Variants in LDHAL6A observed in about 807,000 individuals in gnomAD.
The protein encoded by LDHAL6A is L-lactate dehydrogenase A-like 6A.
LDHAL6A carries 19 observed loss-of-function variants against 28.2 expected under a neutral mutation model. The ratio of observed to expected loss-of-function variants is 0.67; its 90% CI spans 0.47 to 0.99. The LOEUF is 0.99. LDHAL6A is among the 50% of genes least tolerant of loss of function. The probability of loss-of-function intolerance (pLI) is 0.00; values close to 1 mark genes in which losing one functional copy is unlikely to be tolerated. For missense variants in LDHAL6A, 372 were observed against 398.6 expected (o/e 0.93, Z 0.57); for synonymous variants, 144 against 134.4 (o/e 1.07, Z -0.49).
chr11:18,478,658 T>C, intron 6 of LDHAL6A, 48 bp from the exon 7 acceptor site: 1 of 1,447,508 alleles, frequency 6.9e-7, no homozygotes, highest in Middle Eastern at 1.8e-4. Flanking sequence ...TTTCTCATAT[T>C]GCAGAACTTT....
At chr11:18,475,044 C>T (rs1037015421) in intron 3 of LDHAL6A, among the ~76,000 whole-genome samples, 4 of 152,134 alleles carry the variant, frequency 2.6e-5, no homozygotes, top group Admixed American at 6.5e-5. Context: ...AGTTTGAGAC[C>T]AGCCTGGCCA....
intron 1 of LDHAL6A, among the ~76,000 whole-genome samples, chr11:18,460,332 C>CT (rs1462356516): frequency 2.0e-5 from 3 of 152,006 alleles, no homozygotes; most frequent in African/African-American, 7.3e-5. Flanking sequence ...TGGCTCACAC[C>CT]TGTAATCCCA....
At position 18,465,857 on chromosome 11, in the gene LDHAL6A, A is replaced by G. The variant is rs72870279; in HGVS notation, c.418+47A>G. On this transcript the variant is annotated intron_variant, in intron 3 of 6. Coordinates refer to ENST00000280706, the MANE Select transcript of LDHAL6A (RefSeq NM_144972.5). ...TTTCAACTTTTAGATTCGGGGGTAC[A>G]CTGTGTAGGTTCATTACATGAGTAT... 242,734 of 1,459,180 alleles carry G rather than the reference A, an allele frequency of 0.17. 22,036 individuals carry two copies. The highest frequency in any genetic ancestry group is 0.25 in the Middle Eastern group (1,448 of 5,688). The allele number at this position is 1,459,180 out of a possible 1,614,324, so 90.4% of individuals were successfully genotyped here. A position where few individuals can be genotyped will look rare whatever the true frequency, so the allele number is the denominator to read the frequency against.
Position 18,478,781 on chromosome 11 carries a change from A to T in LDHAL6A, c.910A>T (p.Ile304Leu). ...ILGENGITDL[I>L]KVKLTLEEEA... ...GGGAGAGAATGGTATCACAGACCTC[A>T]TAAAAGTAAAACTGACTCTTGAAGA... The change falls in exon 7 of 7, where the codon ATA (isoleucine) becomes TTA (leucine). Residue 304 changes from isoleucine to leucine, a missense_variant. Around this residue, in one of 3 missense-constraint regions of LDHAL6A, gnomAD observed 291 missense variants for 302.9 expected, o/e 0.96. Transcript: ENST00000280706. 6.2e-7 allele frequency: 1 copy of T among 1,613,722 alleles called. No homozygotes were observed. The highest frequency in any genetic ancestry group is 8.5e-7 in the Non-Finnish European group (1 of 1,179,678).
At chr11:18,468,054 T>C (rs28824265) in intron 3 of LDHAL6A, among the ~76,000 whole-genome samples, 131 of 11,830 alleles carry the variant, frequency 0.011, 6 homozygotes, top group African/African-American at 0.02. Flanking sequence ...TATACGTATA[T>C]ATATATACAT....
chr11:18,471,226 TTGAGA>T (rs1235915915), intron 3 of LDHAL6A, among the ~76,000 whole-genome samples: 1 of 150,962 alleles, frequency 6.6e-6, no homozygotes, highest in Non-Finnish European at 1.5e-5. Flanking sequence ...TTTTTTTTTT[TTGAGA>T]GAGGGTTTTG....
At position 18,456,438 on chromosome 11, in the gene LDHAL6A, A is replaced by G. The variant is rs1848757490; in HGVS notation, c.-243A>G. 18 of 477,260 alleles carry G rather than the reference A, an allele frequency of 3.8e-5. 2 individuals carry two copies. The South Asian group carries it at 4.2e-4, about 11-fold the overall frequency. The allele number at this position is 477,260 out of a possible 1,614,324, so 29.6% of individuals were successfully genotyped here. ...CTCTCTCTTAATTCCTCTTAACTGT[A>G]CTCACGCTTCCTTCTCCTTCCCCTG... is the stretch of plus-strand genomic sequence containing the variant. On this transcript the variant is annotated 5_prime_UTR_variant, in exon 1 of 7. Transcript: ENST00000280706.
intron 5 of LDHAL6A, chr11:18,476,727 TAGGG>T: frequency 4.4e-6 from 2 of 459,578 alleles, no homozygotes; most frequent in Non-Finnish European, 5.7e-6. Flanking sequence ...GAGCACATGG[TAGGG>T]GCTCACTTGT....
rs1220419866 is a variant in LDHAL6A at position 18,479,459 on chromosome 11, G to A, written c.*589G>A. 2 of 151,996 alleles carry A rather than the reference G, an allele frequency of 1.3e-5. No homozygotes were observed. Among genetic ancestry groups the A allele is most frequent in the Admixed American group, 6.6e-5 (1 of 15,246 alleles). 9.4% of individuals were successfully genotyped at this position (151,996 alleles called of 1,614,324 possible). On this transcript the variant is annotated 3_prime_UTR_variant, in exon 7 of 7. Coordinates refer to ENST00000280706, the MANE Select transcript of LDHAL6A (RefSeq NM_144972.5). ...CAAATCCTGATTCTTTTCATCAGGT[G>A]CATAGTAATTCTTCTCTATGGCTTA...
At chr11:18,460,008 T>C (rs1454622421) in intron 1 of LDHAL6A, among the ~76,000 whole-genome samples, 1 of 152,230 alleles carries the variant, frequency 6.6e-6, no homozygotes, top group Non-Finnish European at 1.5e-5. Flanking sequence ...TCATGATTTA[T>C]CAGTGTTGAT....
At position 18,478,709 on chromosome 11, in the gene LDHAL6A, C is replaced by CT; in HGVS notation, c.839dup (p.Tyr281LeufsTer5). 1 of 1,604,682 alleles carries CT rather than the reference C, an allele frequency of 6.2e-7. No individual in the cohort carries two copies. Among genetic ancestry groups the CT allele is most frequent in the Non-Finnish European group, 8.5e-7 (1 of 1,176,206 alleles). The stretch of plus-strand genomic sequence containing the variant: ...ATTTTTAAGTCTTTACTTTCAGGGC[C>CT]TCTATGGAATAAATGAAGACATATT... On this transcript the variant is annotated frameshift_variant, in exon 7 of 7. Transcript: ENST00000280706. LOFTEE classifies it low-confidence loss of function (END_TRUNC).
In LDHAL6A at chr11:18,456,527, T is replaced by A. The variant is rs1590242452; in HGVS notation, c.-154T>A. On this transcript the variant is annotated 5_prime_UTR_variant, in exon 1 of 7. Coordinates refer to ENST00000280706, the MANE Select transcript of LDHAL6A (RefSeq NM_144972.5). ...ACCCAGCTTCTTTGCTGGTCAGATT[T>A]GTCGGTCTTTTGTGTGTCTGCAGCA... 1.9e-5 allele frequency: 12 copies of A among 643,962 alleles called. No homozygotes were observed. The East Asian group carries it at 3.2e-4, about 17-fold the overall frequency. 39.9% of individuals were successfully genotyped at this position (643,962 alleles called of 1,614,324 possible).
intron 1 of LDHAL6A, among the ~76,000 whole-genome samples, chr11:18,462,062 C>T (rs1033264313): frequency 6.6e-6 from 1 of 151,792 alleles, no homozygotes; most frequent in African/African-American, 2.4e-5. Context: ...GTCCCAGCTA[C>T]CCAGAAGGCT....
rs779236417 is a variant in LDHAL6A at position 18,475,540 on chromosome 11, CTG to C, written c.494_495del (p.Leu165ArgfsTer18). On this transcript the variant is annotated frameshift_variant, in exon 4 of 7. Coordinates refer to ENST00000280706, the MANE Select transcript of LDHAL6A (RefSeq NM_144972.5). LOFTEE classifies it high-confidence loss of function. Reference sequence around the variant, plus strand: ...CCGTGTTATTGGAAGTGGTTGTAATCTGGACTCTGCTCGTTTTCGTTACTTTA... The same window carrying C: ...CCGTGTTATTGGAAGTGGTTGTAATCGACTCTGCTCGTTTTCGTTACTTTA... Reference protein sequence around the residue: ...KNRVIGSGCNLDSARFRYFIG... With the variant: ...KNRVIGSGCNXDSARFRYFIG... The C allele has an allele frequency of 1.2e-6, 2 of 1,614,046 alleles. No individual in the cohort carries two copies. The highest frequency in any genetic ancestry group is 2.2e-5 in the South Asian group (2 of 91,088).
At chr11:18,477,786 TA>T (rs1565077002) in intron 6 of LDHAL6A, 43 bp downstream of exon 6, 1 of 1,557,776 alleles carries the variant, frequency 6.4e-7, no homozygotes, top group East Asian at 2.3e-5. Context: ...CAACATAAAA[TA>T]GGGGGGTAAA....
Position 18,476,477 on chromosome 11 carries a change from A to G in LDHAL6A, c.686A>G (p.Asn229Ser). 1 of 1,613,922 alleles carries G rather than the reference A, an allele frequency of 6.2e-7. No individual in the cohort carries two copies. Among genetic ancestry groups the G allele is most frequent in the Non-Finnish European group, 8.5e-7 (1 of 1,179,960 alleles). ...GATAAAGATCCTGAGCAGTGGGAAA[A>G]TGTCCACAAAAAAGTGATTTCCAGG... is the stretch of plus-strand genomic sequence containing the variant. ...GTDKDPEQWENVHKKVISSGY... is the reference protein window; with the variant it reads ...GTDKDPEQWESVHKKVISSGY... Residue 229 changes from asparagine to serine, a missense_variant, in exon 5 of 7, where the codon AAT (asparagine) becomes AGT (serine). Coordinates refer to ENST00000280706, the MANE Select transcript of LDHAL6A (RefSeq NM_144972.5).
intron 2 of LDHAL6A, among the ~76,000 whole-genome samples, chr11:18,465,425 C>CG (rs1565069035): frequency 9.2e-6 from 1 of 108,792 alleles, no homozygotes; most frequent in Non-Finnish European, 1.8e-5. Context: ...ACATGACTTA[C>CG]GTTTTTTTTT....
chr11:18,478,064 G>T (rs896030662), intron 6 of LDHAL6A, among the ~76,000 whole-genome samples: 1 of 152,172 alleles, frequency 6.6e-6, no homozygotes, highest in Non-Finnish European at 1.5e-5. Context: ...CTTTGGAGTT[G>T]TTCTCTTACA....
intron 2 of LDHAL6A, among the ~76,000 whole-genome samples, chr11:18,464,976 TG>T (rs1405194814): frequency 0.018 from 167 of 9,462 alleles, 4 homozygotes; most frequent in Admixed American, 0.04. Flanking sequence ...GTGTTTTTTT[TG>T]TTTTTTTTTG....
Sources: gnomAD v4.1 joint callset for allele counts (sites outside exome capture counted in the v4.1 genomes callset) on GRCh38, gnomAD v4.1.1 for gene constraint, gnomAD v4.1.1 regional missense constraint, MANE v1.5 for transcripts, NCBI Gene and HGNC (gene_info 2026-07-23, HGNC 2026-07-21) for gene names.